MPST: variants seen among roughly 807,000 people sequenced by gnomAD.
MPST encodes 3-mercaptopyruvate sulfurtransferase.
Under a neutral mutation model 28.5 loss-of-function variants are expected in MPST, and 27 were observed. The ratio of observed to expected loss-of-function variants is 0.95; its 90% CI spans 0.70 to 1.31. The LOEUF (loss-of-function observed/expected upper bound fraction) is 1.31. MPST is among the 50% of genes most tolerant of loss of function. MPST has a pLI of 0.00. For synonymous variants in MPST, 204 were observed against 209.3 expected, an observed-to-expected ratio of 0.97 and a Z score of 0.22; for missense variants, 492 against 471.1, an observed-to-expected ratio of 1.04 and a Z score of -0.41.
chr22:37,021,005 A>G (rs956641942), intron 1 of MPST, among the ~76,000 whole-genome samples: 1 of 151,928 alleles, frequency 6.6e-6, no homozygotes, highest in Non-Finnish European at 1.5e-5. Context: ...TGCTCACAGC[A>G]ATCCTCAAAG....
At position 37,024,785 on chromosome 22, in the gene MPST, C is replaced by A. The variant is rs1366918513; in HGVS notation, c.630C>A (p.Arg210=). 1 of 1,602,704 alleles carries A rather than the reference C, an allele frequency of 6.2e-7. No homozygotes were observed. The highest frequency in any genetic ancestry group is 1.7e-5 in the Admixed American group (1 of 59,950). ...ACTCCCGAGCCACTGGCAGGTTCCG[C>A]GGCACCGAGCCCGAGCCCCGAGACG... ...VVDSRATGRF[R]GTEPEPRDGI... is the part of the protein sequence containing the mutation. Residue 210 remains arginine (R), a synonymous_variant, in exon 2 of 3, where the codon CGC becomes CGA. Coordinates refer to ENST00000429360, the MANE Select transcript of MPST (RefSeq NM_021126.8).
intron 1 of MPST, among the ~76,000 whole-genome samples, chr22:37,021,854 C>CT (rs2145910819): frequency 6.6e-6 from 1 of 152,170 alleles, no homozygotes; most frequent in East Asian, 1.9e-4. Context: ...AATCTTGGCT[C>CT]TAAGAGGTGG....
In MPST at chr22:37,019,806, C is replaced by G. The variant is rs1422920160; in HGVS notation, c.-31C>G. 1 of 1,133,330 alleles carries G rather than the reference C, an allele frequency of 8.8e-7. No homozygotes were observed. The highest frequency in any genetic ancestry group is 1.6e-5 in the African/African-American group (1 of 62,556). 70.2% of individuals were successfully genotyped at this position (1,133,330 alleles called of 1,614,324 possible). On this transcript the variant is annotated 5_prime_UTR_variant, in exon 1 of 3. Coordinates refer to ENST00000429360, the MANE Select transcript of MPST (RefSeq NM_021126.8). ...GGCGGGAGGAGGGGACAGCTGCGGG[C>G]GCGGGGAGGGGGCGCCGCGCCGCGG...
chr22:37,019,874 T>C lies in MPST; in HGVS notation c.36+2T>C. On this transcript the variant is annotated splice_donor_variant, in intron 1 of 2. Coordinates refer to ENST00000429360, the MANE Select transcript of MPST (RefSeq NM_021126.8). LOFTEE classifies it high-confidence loss of function. The stretch of plus-strand genomic sequence containing the variant: ...GGAAGCCGGGAGTCCGAGACCCGGG[T>C]AACTGCCGCGGCGTGGCGGCTTGCC... The C allele has an allele frequency of 8.2e-7, 1 of 1,213,558 alleles. No homozygotes were observed. Among genetic ancestry groups the C allele is most frequent in the East Asian group, 3.2e-5 (1 of 31,416 alleles). The allele number at this position is 1,213,558 out of a possible 1,614,324, so 75.2% of individuals were successfully genotyped here. A position where few individuals can be genotyped will look rare whatever the true frequency, so the allele number is the denominator to read the frequency against.
At chr22:37,023,914 C>T (rs1028326732) in intron 1 of MPST, 3 of 1,515,350 alleles carry the variant, frequency 2.0e-6, no homozygotes, top group Non-Finnish European at 2.6e-6. Context: ...CACCCTCCTG[C>T]CCAGCAAGTG....
intron 1 of MPST, 113 bp from the exon 2 acceptor site, chr22:37,024,079 G>A (rs939198076): frequency 7.9e-6 from 10 of 1,262,986 alleles, no homozygotes; most frequent in East Asian, 3.1e-5. Flanking sequence ...CCTGGACTCT[G>A]CCCTGCACGG....
chr22:37,029,276 A>T lies in MPST; in HGVS notation c.716A>T (p.Gln239Leu). The change falls in exon 3 of 3, where the codon CAG (glutamine) becomes CTG (leucine). Residue 239 changes from glutamine to leucine, a missense_variant. Coordinates refer to ENST00000429360, the MANE Select transcript of MPST (RefSeq NM_021126.8). ...ATCCCCTTCACAGACTTCCTGAGCC[A>T]GGAGGGGCTGGAGAAGAGCCCTGAG... ...VNIPFTDFLS[Q>L]EGLEKSPEEI... The T allele has an allele frequency of 6.2e-7, 1 of 1,614,196 alleles. No homozygotes were observed. The highest frequency in any genetic ancestry group is 8.5e-7 in the Non-Finnish European group (1 of 1,180,030).
At chr22:37,024,038 C>T (rs1923274471) in intron 1 of MPST, 154 bp from the exon 2 acceptor site, 1 of 1,264,190 alleles carries the variant, frequency 7.9e-7, no homozygotes, top group South Asian at 1.6e-5. Context: ...CACCTTTGTG[C>T]CCGGGTTCAC....
intron 2 of MPST, chr22:37,025,474 C>A (rs1010571666): frequency 4.4e-6 from 1 of 225,208 alleles, no homozygotes; most frequent in Admixed American, 5.2e-5. Context: ...GGGGATTAAA[C>A]AGAAGTGGGT....
intron 2 of MPST, 174 bp downstream of exon 2, chr22:37,024,984 C>T: frequency 6.7e-7 from 1 of 1,497,236 alleles, no homozygotes. Context: ...TTTCCCTACC[C>T]TTGCCTTCTT....
intron 1 of MPST, among the ~76,000 whole-genome samples, chr22:37,021,472 T>A (rs1923065629): frequency 6.6e-6 from 1 of 152,006 alleles, no homozygotes; most frequent in African/African-American, 2.4e-5. Flanking sequence ...TGCAATATTA[T>A]TATTATTATT....
rs200819647 is a variant in MPST at position 37,024,570 on chromosome 22, G to A, written c.415G>A (p.Ala139Thr). 593 of 1,586,266 alleles carry A rather than the reference G, an allele frequency of 3.7e-4. 4 individuals are homozygous for A. The highest frequency in any genetic ancestry group is 3.5e-3 in the Middle Eastern group (21 of 6,044). ...CCCGCGCGTCTGGTGGATGTTCCGC[G>A]CCTTCGGCCACCACGCCGTGTCACT... ...SAPRVWWMFR[A>T]FGHHAVSLLD... Residue 139 changes from alanine to threonine, a missense_variant, in exon 2 of 3, where the codon GCC (alanine) becomes ACC (threonine). By Grantham distance (58) the Ala-to-Thr change is moderately conservative (BLOSUM62 0). Coordinates refer to ENST00000429360, the MANE Select transcript of MPST (RefSeq NM_021126.8).
chr22:37,021,891 A>T (rs1923103155), intron 1 of MPST, among the ~76,000 whole-genome samples: 1 of 152,054 alleles, frequency 6.6e-6, no homozygotes. Flanking sequence ...TATAAGGAAC[A>T]GAAACCACCC....
chr22:37,024,616 A>G lies in MPST; in HGVS notation c.461A>G (p.His154Arg), dbSNP rs776614163. The change falls in exon 2 of 3, where the codon CAC (histidine) becomes CGC (arginine). Residue 154 changes from histidine (H) to arginine (R), a missense_variant. His to Arg is a conservative substitution (Grantham distance 29). Transcript: ENST00000429360. ...AVSLLDGGLR[H>R]WLRQNLPLSS... ...TCACTGCTTGATGGCGGCCTCCGCC[A>G]CTGGCTGCGCCAGAACCTCCCGCTC... is the stretch of plus-strand genomic sequence containing the variant. 6.3e-7 allele frequency: 1 copy of G among 1,597,166 alleles called. No individual in the cohort carries two copies.
At chr22:37,021,495 T>C (rs1381503921) in intron 1 of MPST, among the ~76,000 whole-genome samples, 1 of 152,012 alleles carries the variant, frequency 6.6e-6, no homozygotes, top group African/African-American at 2.4e-5. Context: ...TATTTTGAGA[T>C]GGAGTCTCAC....
Position 37,024,421 on chromosome 22 carries a change from C to A in MPST, c.266C>A (p.Thr89Asn), listed in dbSNP as rs1314407712. Residue 89 changes from threonine (T) to asparagine (N), a missense_variant, in exon 2 of 3, where the codon ACC becomes AAC. Coordinates refer to ENST00000429360, the MANE Select transcript of MPST (RefSeq NM_021126.8). ...FFDIDQCSDR[T>N]SPYDHMLPGA... ...GACATCGACCAGTGCAGCGACCGCA[C>A]CTCGCCCTACGACCACATGCTGCCC... 1.3e-6 allele frequency: 2 copies of A among 1,543,870 alleles called. No individual in the cohort carries two copies. The highest frequency in any genetic ancestry group is 2.4e-5 in the South Asian group (2 of 84,002).
intron 1 of MPST, chr22:37,023,706 G>A (rs1184158622): frequency 2.9e-6 from 3 of 1,024,118 alleles, no homozygotes; most frequent in Non-Finnish European, 3.7e-6. Flanking sequence ...AGGATTCAGT[G>A]GTACCCAGCA....
chr22:37,024,524 C>T lies in MPST; in HGVS notation c.369C>T (p.Ser123=). The change falls in exon 2 of 3, where the codon AGC becomes AGT. Residue 123 remains serine, a synonymous_variant. Coordinates refer to ENST00000429360, the MANE Select transcript of MPST (RefSeq NM_021126.8). The part of the protein sequence containing the change: ...AATHVVIYDA[S]DQGLYSAPRV... ...CCCACGTCGTGATCTACGACGCCAG[C>T]GACCAGGGCCTCTACTCCGCCCCGC... 1 of 1,566,664 alleles carries T rather than the reference C, an allele frequency of 6.4e-7. No individual in the cohort carries two copies. The highest frequency in any genetic ancestry group is 8.6e-7 in the Non-Finnish European group (1 of 1,161,338).
At chr22:37,029,053 G>A in intron 2 of MPST, 163 bp from the exon 3 acceptor site, 4 of 693,794 alleles carry the variant, frequency 5.8e-6, no homozygotes, top group South Asian at 3.8e-5. Flanking sequence ...CCTCTAAACA[G>A]TGCTCAGGTT....
Sources: gnomAD v4.1 joint callset for allele counts (sites outside exome capture counted in the v4.1 genomes callset) on GRCh38, gnomAD v4.1.1 for gene constraint, MANE v1.5 for transcripts, NCBI Gene and HGNC (gene_info 2026-07-23, HGNC 2026-07-21) for gene names.